TAB2: variants seen among roughly 807,000 people sequenced by gnomAD.
TAB2 encodes TGF-beta-activated kinase 1 and MAP3K7-binding protein 2.
TAB2 carries 3 observed loss-of-function variants against 65.0 expected under a neutral mutation model. That is an observed-to-expected ratio of 0.05 (90% confidence interval 0.02 to 0.12). The LOEUF (loss-of-function observed/expected upper bound fraction) is 0.12. Among genes scored for constraint, TAB2 ranks in the 10% least tolerant of loss-of-function variants. The pLI is 1.00. For synonymous variants in TAB2, 298 were observed against 285.1 expected, an observed-to-expected ratio of 1.05 and a Z score of -0.46; for missense variants, 623 against 840.3, an observed-to-expected ratio of 0.74 and a Z score of 3.20.
chr6:149,396,942 ACT>A (rs1407438702), intron 3 of TAB2, among the ~76,000 whole-genome samples: 5 of 152,164 alleles, frequency 3.3e-5, no homozygotes, highest in African/African-American at 9.7e-5. Context: ...AACATGACAA[ACT>A]CTGAAGTAAG....
chr6:149,330,443 T>A (rs1202376382), intron 1 of TAB2, among the ~76,000 whole-genome samples: 1 of 152,194 alleles, frequency 6.6e-6, no homozygotes, highest in Non-Finnish European at 1.5e-5. Flanking sequence ...TTTCTCTGCA[T>A]CCTCTCCAGC....
At chr6:149,383,495 T>A (rs945552007) in intron 3 of TAB2, among the ~76,000 whole-genome samples, 1 of 152,236 alleles carries the variant, frequency 6.6e-6, no homozygotes, top group Admixed American at 6.5e-5. Context: ...GCACACTGTT[T>A]TGGGATTGGT....
intron 6 of TAB2, among the ~76,000 whole-genome samples, chr6:149,404,273 A>C (rs528251330): frequency 6.6e-6 from 1 of 152,290 alleles, no homozygotes; most frequent in South Asian, 2.1e-4. Flanking sequence ...TAAAACATTG[A>C]TGAAGGAAAT....
chr6:149,321,804 G>A (rs1779464014), intron 1 of TAB2, among the ~76,000 whole-genome samples: 2 of 152,130 alleles, frequency 1.3e-5, no homozygotes, highest in African/African-American at 4.8e-5. Flanking sequence ...TATGTTATAT[G>A]AATAAAAGAT....
intron 1 of TAB2, among the ~76,000 whole-genome samples, chr6:149,241,881 A>G (rs534313554): frequency 2.6e-5 from 4 of 152,130 alleles, no homozygotes; most frequent in South Asian, 2.1e-4. Context: ...CCTGAAGCCC[A>G]CTCTCAGCCT....
intron 1 of TAB2, among the ~76,000 whole-genome samples, chr6:149,287,093 A>G (rs1321320672): frequency 1.3e-5 from 2 of 152,186 alleles, no homozygotes; most frequent in African/African-American, 2.4e-5. Flanking sequence ...CTCCAGCCTG[A>G]GTGACAGAGC....
At chr6:149,373,829 G>C (rs1307504048) in intron 2 of TAB2, among the ~76,000 whole-genome samples, 1 of 152,178 alleles carries the variant, frequency 6.6e-6, no homozygotes, top group Non-Finnish European at 1.5e-5. Flanking sequence ...AACCAGGGCT[G>C]CTTTGAGAAA....
chr6:149,288,036 T>C (rs1778709792), intron 1 of TAB2, among the ~76,000 whole-genome samples: 1 of 152,194 alleles, frequency 6.6e-6, no homozygotes, highest in Admixed American at 6.5e-5. Context: ...TTTAAACACA[T>C]AAGCAATAAA....
chr6:149,320,274 A>G (rs1779396463), intron 1 of TAB2, among the ~76,000 whole-genome samples: 1 of 152,050 alleles, frequency 6.6e-6, no homozygotes, highest in African/African-American at 2.4e-5. Context: ...ATGGAGTTTC[A>G]CCATGATGGC....
chr6:149,239,876 G>C (rs1039067535), intron 1 of TAB2, among the ~76,000 whole-genome samples: 1 of 152,170 alleles, frequency 6.6e-6, no homozygotes, highest in Admixed American at 6.5e-5. Context: ...GTGTCCAACA[G>C]GTAAACTTGA....
intron 1 of TAB2, among the ~76,000 whole-genome samples, chr6:149,360,373 A>AT (rs1583122820): frequency 6.6e-6 from 1 of 152,214 alleles, no homozygotes; most frequent in East Asian, 1.9e-4. Flanking sequence ...GAAGCTTACA[A>AT]TCATGGCCGA....
intron 1 of TAB2, among the ~76,000 whole-genome samples, chr6:149,268,720 T>C (rs755929412): frequency 3.3e-5 from 5 of 152,256 alleles, no homozygotes; most frequent in Non-Finnish European, 7.3e-5. Context: ...TTCTCGACAC[T>C]TGCTGTGGTG....
chr6:149,227,755 A>T (rs1777313826), intron 1 of TAB2, among the ~76,000 whole-genome samples: 1 of 152,232 alleles, frequency 6.6e-6, no homozygotes, highest in Non-Finnish European at 1.5e-5. Context: ...AAATGAAATG[A>T]TTTGTAAAAT....
intron 1 of TAB2, among the ~76,000 whole-genome samples, chr6:149,345,347 G>A (rs1449665494): frequency 1.3e-5 from 2 of 152,008 alleles, no homozygotes; most frequent in Non-Finnish European, 1.5e-5. Context: ...CTGATAATTG[G>A]TCAGTGCTGC....
chr6:149,371,411 C>A (rs897009351), intron 2 of TAB2, among the ~76,000 whole-genome samples: 1 of 152,150 alleles, frequency 6.6e-6, no homozygotes, highest in Non-Finnish European at 1.5e-5. Context: ...GCTGTTTCTA[C>A]ACCCTGATCT....
At chr6:149,222,472 G>A (rs1355445138) in intron 1 of TAB2, among the ~76,000 whole-genome samples, 5 of 151,974 alleles carry the variant, frequency 3.3e-5, no homozygotes, top group Non-Finnish European at 7.4e-5. Context: ...ATAAAAATTA[G>A]CGAGGCATGG....
At chr6:149,375,819 A>G (rs182203792) in intron 2 of TAB2, among the ~76,000 whole-genome samples, 1 of 152,324 alleles carries the variant, frequency 6.6e-6, no homozygotes, top group Non-Finnish European at 1.5e-5. Flanking sequence ...GTATCAATTA[A>G]GAGTTATTAG....
chr6:149,276,757 A>G (rs567154801), intron 1 of TAB2, among the ~76,000 whole-genome samples: 1 of 152,320 alleles, frequency 6.6e-6, no homozygotes, highest in South Asian at 2.1e-4. Flanking sequence ...ATCTGGCAAA[A>G]TCAAAATTAT....
At chr6:149,285,693 C>A (rs1778664812) in intron 1 of TAB2, among the ~76,000 whole-genome samples, 1 of 152,194 alleles carries the variant, frequency 6.6e-6, no homozygotes, top group Non-Finnish European at 1.5e-5. Flanking sequence ...CCTTCTATAC[C>A]TCAACCTGGT....
Sources: allele counts gnomAD v4.1 joint callset (sites outside exome capture counted in the v4.1 genomes callset), GRCh38; gene constraint gnomAD v4.1.1; transcripts MANE v1.5; gene names NCBI Gene and HGNC (gene_info 2026-07-23, HGNC 2026-07-21).